MDH2: variants seen among roughly 807,000 people sequenced by gnomAD.
MDH2 encodes malate dehydrogenase 2.
In MDH2, 25 loss-of-function variants were observed where a neutral mutation model predicts 33.6. The observed-to-expected ratio is 0.74, with a 90% CI of 0.54 to 1.04. The LOEUF (loss-of-function observed/expected upper bound fraction) is 1.04. MDH2 is among the 50% of genes least tolerant of loss of function. MDH2 has a pLI of 0.00. For synonymous variants in MDH2, 193 were observed against 188.7 expected (o/e 1.02, Z -0.19); for missense variants, 432 against 445.0 (o/e 0.97, Z 0.26).
chr7:76,065,353 G>A (rs1489333501), intron 8 of MDH2, among the ~76,000 whole-genome samples: 2 of 152,142 alleles, frequency 1.3e-5, no homozygotes, highest in Non-Finnish European at 2.9e-5. Flanking sequence ...GCCCCATCCA[G>A]ACAGCCTGAG....
chr7:76,053,862 G>C (rs1797690167), intron 1 of MDH2, among the ~76,000 whole-genome samples: 1 of 152,200 alleles, frequency 6.6e-6, no homozygotes, highest in African/African-American at 2.4e-5. Context: ...ACCTAGAGGG[G>C]AAGAGTGCCT....
At chr7:76,056,822 T>C (rs1797799861) in intron 2 of MDH2, among the ~76,000 whole-genome samples, 1 of 152,042 alleles carries the variant, frequency 6.6e-6, no homozygotes, top group South Asian at 2.1e-4. Flanking sequence ...AAACCAGCCT[T>C]GCCAACCTGG....
chr7:76,058,871 T>C (rs1797864438), intron 4 of MDH2, among the ~76,000 whole-genome samples: 1 of 152,154 alleles, frequency 6.6e-6, no homozygotes, highest in Admixed American at 6.5e-5. Flanking sequence ...TGTAGACGCA[T>C]GGGTATGCTG....
rs535864405 is a variant in MDH2, at chr7:76,052,105, A to G, written c.67-2725A>G. On this transcript the variant is annotated intron_variant, in intron 1 of 8. Coordinates refer to ENST00000315758, the MANE Select transcript of MDH2 (RefSeq NM_005918.4). ...CCCCCATGTTGTGTTCACCTTATGTACACATGGGACCCATCCATTTAAGCA... is the reference window on the plus strand; with the variant it reads ...CCCCCATGTTGTGTTCACCTTATGTGCACATGGGACCCATCCATTTAAGCA... Among the ~76,000 whole-genome samples, 4 of 152,324 alleles carry G rather than the reference A, an allele frequency of 2.6e-5. No homozygotes were observed. In the South Asian group the frequency reaches 8.3e-4, roughly 32 times the overall value.
intron 5 of MDH2, among the ~76,000 whole-genome samples, chr7:76,061,713 C>T (rs1006885897): frequency 4.6e-5 from 7 of 152,158 alleles, no homozygotes; most frequent in Admixed American, 2.6e-4. Context: ...CCGGGATTGC[C>T]GCAGTACGGA....
chr7:76,058,340 C>T (rs1487463793), intron 4 of MDH2, among the ~76,000 whole-genome samples: 1 of 152,216 alleles, frequency 6.6e-6, no homozygotes, highest in Admixed American at 6.5e-5. Flanking sequence ...TCTCTCTCTG[C>T]TTTAGTTTCC....
In MDH2 at chr7:76,058,956, TTTTG is replaced by T. The variant is rs569654103; in HGVS notation, c.429+890_429+893del. 1.4e-3 allele frequency among the ~76,000 whole-genome samples: 216 copies of T among 152,318 alleles called. 1 individual carries two copies. Among genetic ancestry groups the T allele is most frequent in the Non-Finnish European group, 2.6e-3 (177 of 68,036 alleles). ...TGCTACTCAGGATGGCATGCAGTTT[TTTTG>T]TTTGTTTGTTTTTGGCTCTGTCGCC... On this transcript the variant is annotated intron_variant, in intron 4 of 8. Coordinates refer to ENST00000315758, the MANE Select transcript of MDH2 (RefSeq NM_005918.4).
chr7:76,060,288 T>G (rs1052270737), intron 4 of MDH2, 85 bp from the exon 5 acceptor site: 2 of 1,551,408 alleles, frequency 1.3e-6, no homozygotes, highest in African/African-American at 2.7e-5. Flanking sequence ...TTTGGGAAGG[T>G]CTGACAAAAA....
chr7:76,062,827 C>T (rs1166810734), intron 5 of MDH2, among the ~76,000 whole-genome samples: 1 of 152,090 alleles, frequency 6.6e-6, no homozygotes, highest in East Asian at 1.9e-4. Flanking sequence ...ATCATTGAGT[C>T]CAGGAGGCAG....
At chr7:76,057,827 T>A in intron 3 of MDH2, 142 bp from the exon 4 acceptor site, 1 of 730,016 alleles carries the variant, frequency 1.4e-6, no homozygotes, top group Non-Finnish European at 2.3e-6. Context: ...TCATGCTGGA[T>A]CATTTACCCT....
intron 7 of MDH2, 27 bp downstream of exon 7, chr7:76,064,465 G>A: frequency 1.3e-6 from 2 of 1,586,572 alleles, no homozygotes; most frequent in Non-Finnish European, 1.7e-6. Flanking sequence ...CCCCGGGGCT[G>A]GGTGCCAGTG....
chr7:76,054,768 C>CCATGTGAATCCTTTT, intron 1 of MDH2, 62 bp from the exon 2 acceptor site: 1 of 1,592,906 alleles, frequency 6.3e-7, no homozygotes, highest in South Asian at 1.1e-5. Context: ...TTATAGGATA[C>CCATGTGAATCCTTTT]CATGTGAATC....
intron 2 of MDH2, among the ~76,000 whole-genome samples, chr7:76,056,486 C>T (rs1054160818): frequency 3.3e-5 from 5 of 152,136 alleles, no homozygotes; most frequent in Non-Finnish European, 7.3e-5. Context: ...CGTGCACCTT[C>T]CAGAGTTCTC....
chr7:76,061,022 G>T (rs1244835680), intron 5 of MDH2, among the ~76,000 whole-genome samples: 1 of 152,090 alleles, frequency 6.6e-6, no homozygotes, highest in Non-Finnish European at 1.5e-5. Flanking sequence ...TCCAGGCCTG[G>T]CCAGGTGCCT....
chr7:76,063,494 G>C, intron 5 of MDH2, 21 bp from the exon 6 acceptor site: 1 of 1,613,302 alleles, frequency 6.2e-7, no homozygotes. Context: ...AACTCATCCA[G>C]CTTCATACTT....
At chr7:76,055,916 A>T (rs1797763852) in intron 2 of MDH2, among the ~76,000 whole-genome samples, 1 of 148,204 alleles carries the variant, frequency 6.7e-6, no homozygotes, top group Non-Finnish European at 1.5e-5. Context: ...CAACCTCCCC[A>T]TCTTGGGTTC....
Position 76,057,391 on chromosome 7 carries a change from T to TG in MDH2, c.236-18dup. 1 of 1,613,742 alleles carries TG rather than the reference T, an allele frequency of 6.2e-7. No individual in the cohort carries two copies. The highest frequency in any genetic ancestry group is 8.5e-7 in the Non-Finnish European group (1 of 1,179,794). The stretch of plus-strand genomic sequence containing the variant: ...GAATCAGAAACGGTGACATTTCTCT[T>TG]GTGGGGTGTTTGTTCTAGGCTACCT... On this transcript the variant is annotated intron_variant, in intron 2 of 8. Coordinates refer to ENST00000315758, the MANE Select transcript of MDH2 (RefSeq NM_005918.4).
intron 1 of MDH2, among the ~76,000 whole-genome samples, chr7:76,053,816 G>A (rs781943210): frequency 5.9e-5 from 9 of 152,132 alleles, no homozygotes; most frequent in Non-Finnish European, 1.3e-4. Context: ...CAAGCTCCCT[G>A]GGTATGGCTG....
intron 1 of MDH2, chr7:76,054,591 G>A (rs1797715523): frequency 2.0e-6 from 1 of 503,078 alleles, no homozygotes; most frequent in African/African-American, 2.0e-5. Flanking sequence ...CTTTCAGGAG[G>A]GTTTTGAAGT....
Sources: gnomAD v4.1 joint callset for allele counts (sites outside exome capture counted in the v4.1 genomes callset) on GRCh38, gnomAD v4.1.1 for gene constraint, MANE v1.5 for transcripts, NCBI Gene and HGNC (gene_info 2026-07-23, HGNC 2026-07-21) for gene names.